HTT: variants seen among roughly 807,000 people sequenced by gnomAD.
HTT encodes the protein huntington disease protein.
HTT carries 104 observed loss-of-function variants against 362.3 expected under a neutral mutation model. That is an observed-to-expected ratio of 0.29 (90% CI 0.24 to 0.34). The LOEUF (loss-of-function observed/expected upper bound fraction) is 0.34. HTT is among the 10% of genes least tolerant of loss of function. The pLI is 1.00. For missense variants in HTT, 3,301 were observed against 3,928.6 expected (o/e 0.84, Z 4.27); for synonymous variants, 1,577 against 1,548.7 (o/e 1.02, Z -0.43).
In HTT at chr4:3,213,847, C is replaced by G. The variant is rs1578594813; in HGVS notation, c.6775-111C>G. 7.4e-6 allele frequency: 7 copies of G among 947,820 alleles called. No individual in the cohort carries two copies. The East Asian group carries it at 2.0e-4, about 27-fold the overall frequency. The allele number at this position is 947,820 out of a possible 1,614,324, so 58.7% of individuals were successfully genotyped here. A position where few individuals can be genotyped will look rare whatever the true frequency, so the allele number is the denominator to read the frequency against. ...TGTCCTTCTGGAAGGGCAAGGGCAC[C>G]TGGACGCGCTGCCCCTCAGTGCTTT... is the stretch of plus-strand genomic sequence containing the variant. On this transcript the variant is annotated intron_variant, in intron 49 of 66. Coordinates refer to ENST00000355072, the MANE Select transcript of HTT (RefSeq NM_001388492.1).
At chr4:3,127,234 T>G (rs1274307757) in intron 11 of HTT, 30 bp from the exon 12 acceptor site, 1 of 1,537,528 alleles carries the variant, frequency 6.5e-7, no homozygotes, top group Non-Finnish European at 9.0e-7. Flanking sequence ...TCTCTCGCCA[T>G]TTGACAAATG....
At chr4:3,179,149 T>C (rs769497452) in intron 35 of HTT, among the ~76,000 whole-genome samples, 2 of 152,304 alleles carry the variant, frequency 1.3e-5, no homozygotes, top group South Asian at 4.1e-4. Flanking sequence ...CACTACTACT[T>C]AGAGTCTTTT....
chr4:3,129,916 C>A lies in HTT; in HGVS notation c.1744-8C>A. The A allele has an allele frequency of 6.2e-7, 1 of 1,613,934 alleles. No homozygotes were observed. The highest frequency in any genetic ancestry group is 1.1e-5 in the South Asian group (1 of 91,076). On this transcript the variant is annotated splice_region_variant and splice_polypyrimidine_tract_variant and intron_variant, in intron 12 of 66. Transcript: ENST00000355072. ...CAAAATTCTCACAGCCCCCCTTGAA[C>A]CGTTTAGGTGTTAGACGGTACCGAC... is the stretch of plus-strand genomic sequence containing the variant.
intron 1 of HTT, among the ~76,000 whole-genome samples, chr4:3,082,334 A>G (rs1026557243): frequency 6.6e-6 from 1 of 151,564 alleles, no homozygotes; most frequent in Non-Finnish European, 1.5e-5. Context: ...TTTCCTGTAA[A>G]TAAGTCAACC....
chr4:3,229,370 A>G (rs1721107936), intron 59 of HTT, among the ~76,000 whole-genome samples: 1 of 146,792 alleles, frequency 6.8e-6, no homozygotes, highest in Non-Finnish European at 1.5e-5. Flanking sequence ...CACACAACAC[A>G]CACATGCCAC....
chr4:3,194,758 C>T (rs372793256), intron 40 of HTT, among the ~76,000 whole-genome samples: 8 of 152,266 alleles, frequency 5.3e-5, no homozygotes, highest in South Asian at 2.1e-4. Context: ...CTTTCCAAAG[C>T]GTCTGTGGTT....
At chr4:3,078,211 G>A (rs187704676) in intron 1 of HTT, among the ~76,000 whole-genome samples, 22 of 152,318 alleles carry the variant, frequency 1.4e-4, no homozygotes, top group African/African-American at 5.1e-4. Flanking sequence ...CCTATCTGGT[G>A]TTTCCCTGAC....
chr4:3,172,983 G>A lies in HTT; in HGVS notation c.4018G>A (p.Gly1340Ser), dbSNP rs755716834. 1 of 1,614,174 alleles carries A rather than the reference G, an allele frequency of 6.2e-7. No individual in the cohort carries two copies. The change falls in exon 31 of 67, where the codon GGC (glycine) becomes AGC (serine). Residue 1340 changes from glycine to serine, a missense_variant. By Grantham distance (56) the Gly-to-Ser change is moderately conservative (BLOSUM62 0). Coordinates refer to ENST00000355072, the MANE Select transcript of HTT (RefSeq NM_001388492.1). The part of the protein sequence containing the change: ...GLSSNPSKSQ[G>S]RAQRLGSSSV... ...ATCTTCCAACCCCAGCAAGTCACAA[G>A]GCCGAGCACAGCGCCTTGGCTCCTC...
At chr4:3,201,957 T>C (rs1295008739) in intron 41 of HTT, among the ~76,000 whole-genome samples, 1 of 152,216 alleles carries the variant, frequency 6.6e-6, no homozygotes. Context: ...TCTCGGTTTG[T>C]GTGCATCTCC....
chr4:3,218,655 A>G lies in HTT; in HGVS notation c.7242+703A>G, dbSNP rs1720532622. On this transcript the variant is annotated intron_variant, in intron 52 of 66. Transcript: ENST00000355072. The surrounding 1 kb of genome is among the most constrained non-coding windows in gnomAD (Gnocchi z 4.4). ...CTCAAAAAAAAAAAAGGTAGGTGTT[A>G]TTGATCAGAACCCTTGTTTCAGATA... is the stretch of plus-strand genomic sequence containing the variant. Among the ~76,000 whole-genome samples, 1 of 152,094 alleles carries G rather than the reference A, an allele frequency of 6.6e-6. No homozygotes were observed.
At position 3,233,174 on chromosome 4, in the gene HTT, G is replaced by A. The variant is rs758795089; in HGVS notation, c.8277G>A (p.Val2759=). The change falls in exon 61 of 67, where the codon GTG becomes GTA. Residue 2759 remains valine, a synonymous_variant. Transcript: ENST00000355072. ...CTGTGTGTGCCTAGGACAAGGCCGT[G>A]GCGGAGCCTGTCAGCCGCCTGCTGG... ...AAAVLGMDKA[V]AEPVSRLLES... 6.3e-7 allele frequency: 1 copy of A among 1,587,916 alleles called. No individual in the cohort carries two copies. Among genetic ancestry groups the A allele is most frequent in the Non-Finnish European group, 8.6e-7 (1 of 1,159,396 alleles).
chr4:3,223,349 G>A (rs952323773), intron 54 of HTT, 57 bp from the exon 55 acceptor site: 3 of 1,494,324 alleles, frequency 2.0e-6, no homozygotes, highest in Non-Finnish European at 2.7e-6. Flanking sequence ...GGTTCTGCAG[G>A]CAGAGGTGGT....
At chr4:3,113,166 G>A (rs1188087541) in intron 6 of HTT, 2 of 203,608 alleles carry the variant, frequency 9.8e-6, no homozygotes, top group Admixed American at 1.3e-4. Context: ...CTGGCTTGGA[G>A]AAGGGATTCT....
At chr4:3,171,829 T>A (rs577747994) in intron 29 of HTT, among the ~76,000 whole-genome samples, 1 of 152,242 alleles carries the variant, frequency 6.6e-6, no homozygotes, top group Non-Finnish European at 1.5e-5. Context: ...GTTATAGATG[T>A]TGATAAAAAT....
At chr4:3,164,301 T>C (rs938878884) in intron 29 of HTT, among the ~76,000 whole-genome samples, 1 of 152,234 alleles carries the variant, frequency 6.6e-6, no homozygotes, top group Non-Finnish European at 1.5e-5. Flanking sequence ...CAGTTTGTTG[T>C]GATTTCTGTT....
intron 52 of HTT, 31 bp downstream of exon 52, chr4:3,217,983 A>G (rs1309761149): frequency 1.3e-6 from 2 of 1,569,070 alleles, no homozygotes; most frequent in African/African-American, 1.3e-5. Context: ...CAGAAGACCA[A>G]GTACGGTGAA....
At chr4:3,236,427 G>A (rs1721534717) in intron 64 of HTT, among the ~76,000 whole-genome samples, 173 bp downstream of exon 64, 2 of 152,194 alleles carry the variant, frequency 1.3e-5, no homozygotes, top group Admixed American at 1.3e-4. Context: ...CTGGCGAGCT[G>A]GTGGTCCTTG....
intron 8 of HTT, among the ~76,000 whole-genome samples, chr4:3,118,192 T>C (rs1338295806): frequency 6.6e-6 from 1 of 152,244 alleles, no homozygotes; most frequent in East Asian, 1.9e-4. Context: ...TTGTCAGATT[T>C]AGTGTATATT....
intron 12 of HTT, 83 bp downstream of exon 12, chr4:3,127,687 G>T: frequency 1.0e-6 from 1 of 992,212 alleles, no homozygotes; most frequent in East Asian, 2.6e-5. Flanking sequence ...GTGGAGGCCG[G>T]GCACAGGGGC....
Sources: gnomAD v4.1 joint callset for allele counts (sites outside exome capture counted in the v4.1 genomes callset) on GRCh38, gnomAD v4.1.1 for gene constraint, Gnocchi (gnomAD v3.1) non-coding constraint, MANE v1.5 for transcripts, NCBI Gene and HGNC (gene_info 2026-07-23, HGNC 2026-07-21) for gene names.